ACSF3: variants seen among roughly 807,000 people sequenced by gnomAD.
The protein encoded by ACSF3 is acyl-CoA synthetase family member 3, also known as malonate--CoA ligase ACSF3, mitochondrial.
ACSF3 carries 78 observed loss-of-function variants against 53.2 expected under a neutral mutation model. The ratio of observed to expected loss-of-function variants is 1.47; its 90% confidence interval spans 1.22 to 1.77. The LOEUF is 1.77. Among genes scored for constraint, ACSF3 ranks in the 40% most tolerant of loss-of-function variants. The probability of loss-of-function intolerance (pLI) is 0.00; values close to 1 mark genes in which losing one functional copy is unlikely to be tolerated. For synonymous variants in ACSF3, 414 were observed against 333.1 expected (o/e 1.24, Z -2.65); for missense variants, 937 against 771.1 (o/e 1.22, Z -2.55).
intron 8 of ACSF3, among the ~76,000 whole-genome samples, chr16:89,141,936 C>T (rs1185730475): frequency 1.3e-5 from 2 of 152,202 alleles, no homozygotes; most frequent in African/African-American, 4.8e-5. Flanking sequence ...ATCACAGAGA[C>T]AGGTCTCAGT....
At chr16:89,132,382 C>T (rs560696563) in intron 7 of ACSF3, among the ~76,000 whole-genome samples, 25 of 152,318 alleles carry the variant, frequency 1.6e-4, no homozygotes, top group Non-Finnish European at 3.2e-4. Context: ...AGGGCTCGGC[C>T]GGTGTCTTCA....
chr16:89,101,658 G>A (rs909331295), intron 3 of ACSF3, among the ~76,000 whole-genome samples: 6 of 152,152 alleles, frequency 3.9e-5, no homozygotes, highest in African/African-American at 1.4e-4. Flanking sequence ...GGGGCTTTTC[G>A]GAGGCCAGCC....
At chr16:89,097,466 G>T in intron 1 of ACSF3, among the ~76,000 whole-genome samples, 1 of 152,262 alleles carries the variant, frequency 6.6e-6, no homozygotes, top group Admixed American at 6.5e-5. Flanking sequence ...CTCAGCAGCG[G>T]AAGTCTGGCC....
intron 1 of ACSF3, 144 bp from the exon 2 acceptor site, chr16:89,098,447 A>G (rs1183834779): frequency 8.5e-6 from 3 of 352,896 alleles, no homozygotes; most frequent in Non-Finnish European, 1.7e-5. Flanking sequence ...TTGTCGGGAG[A>G]TAAGGCTCAC....
At chr16:89,131,790 G>T (rs1489714193) in intron 7 of ACSF3, among the ~76,000 whole-genome samples, 1 of 152,288 alleles carries the variant, frequency 6.6e-6, no homozygotes, top group African/African-American at 2.4e-5. Flanking sequence ...AAGGACAGCA[G>T]TGGAAAAATT....
chr16:89,144,996 G>T (rs1414362497), intron 8 of ACSF3, among the ~76,000 whole-genome samples: 1 of 152,222 alleles, frequency 6.6e-6, no homozygotes, highest in Admixed American at 6.5e-5. Context: ...AGTGCATACA[G>T]CTGAGCATGG....
intron 4 of ACSF3, among the ~76,000 whole-genome samples, chr16:89,107,235 T>C (rs1976099951): frequency 6.6e-6 from 1 of 152,222 alleles, no homozygotes; most frequent in Non-Finnish European, 1.5e-5. Context: ...CCCTCGGCTC[T>C]CAGTGCCCTT....
At chr16:89,100,478 G>A (rs1012367861) in intron 2 of ACSF3, 184 bp from the exon 3 acceptor site, 21 of 620,390 alleles carry the variant, frequency 3.4e-5, no homozygotes, top group Admixed American at 3.3e-4. Flanking sequence ...TGCTGGGCAC[G>A]TACGGAACGT....
At chr16:89,151,111 C>T in intron 10 of ACSF3, 2 of 1,189,746 alleles carry the variant, frequency 1.7e-6, no homozygotes, top group Non-Finnish European at 2.2e-6. Flanking sequence ...GGCATGCGGG[C>T]TCTGACGGGC....
chr16:89,114,791 C>T (rs758240524), intron 6 of ACSF3: 3 of 447,582 alleles, frequency 6.7e-6, no homozygotes, highest in Non-Finnish European at 1.3e-5. Flanking sequence ...CAGTGCATGT[C>T]TCAGAGGAAG....
intron 8 of ACSF3, among the ~76,000 whole-genome samples, chr16:89,137,287 CT>C (rs1910739325): frequency 2.7e-5 from 4 of 150,870 alleles, no homozygotes; most frequent in African/African-American, 7.3e-5. Flanking sequence ...AGCCCCAGGT[CT>C]CGGGAGGACC....
chr16:89,097,375 C>T (rs761338313), intron 1 of ACSF3, among the ~76,000 whole-genome samples: 18 of 152,218 alleles, frequency 1.2e-4, no homozygotes, highest in South Asian at 2.1e-4. Flanking sequence ...TGAGTGTCGC[C>T]GGCCGTCCTA....
intron 6 of ACSF3, chr16:89,114,743 G>C (rs1010222654): frequency 1.8e-6 from 1 of 567,056 alleles, no homozygotes; most frequent in East Asian, 3.2e-5. Context: ...TGACTGGGGA[G>C]ACAATGGGAA....
At chr16:89,125,718 G>GAGAGAT (rs963532940) in intron 7 of ACSF3, among the ~76,000 whole-genome samples, 1 of 151,740 alleles carries the variant, frequency 6.6e-6, no homozygotes, top group African/African-American at 2.4e-5. Context: ...GAGAGAGAGA[G>GAGAGAT]ATGTTGATTG....
chr16:89,139,451 C>T (rs185918338), intron 8 of ACSF3, among the ~76,000 whole-genome samples: 64 of 152,224 alleles, frequency 4.2e-4, no homozygotes, highest in Non-Finnish European at 1.6e-4. Flanking sequence ...TCGTTCTGCC[C>T]TCAGCCTTGC....
At chr16:89,148,756 C>T (rs1281941465) in intron 10 of ACSF3, 1 of 152,192 alleles carries the variant, frequency 6.6e-6, no homozygotes, top group Non-Finnish European at 1.5e-5. Flanking sequence ...CCCTTTTAGC[C>T]CCAGAGCAAC....
chr16:89,144,679 G>A (rs557816743), intron 8 of ACSF3, among the ~76,000 whole-genome samples: 2 of 152,350 alleles, frequency 1.3e-5, no homozygotes, highest in South Asian at 2.1e-4. Context: ...CATGAGGGGC[G>A]GCCCCTCTAT....
chr16:89,109,450 C>T lies in ACSF3; in HGVS notation c.823-2642C>T, dbSNP rs533911883. 8.6e-4 allele frequency among the ~76,000 whole-genome samples: 100 copies of T among 116,596 alleles called. 1 individual carries two copies. The highest frequency in any genetic ancestry group is 3.0e-3 in the African/African-American group (94 of 31,078). 76.5% of individuals were successfully genotyped at this position (116,596 alleles called of 152,430 possible). A position where few individuals can be genotyped will look rare whatever the true frequency, so the allele number is the denominator to read the frequency against. The stretch of plus-strand genomic sequence containing the variant: ...TTTTTGAGATGGAGTCTCACTCTGT[C>T]GCTCAGGCTGGAGTGCAGTGGCTCA... On this transcript the variant is annotated intron_variant, in intron 4 of 10. Transcript: ENST00000614302.
At chr16:89,133,596 C>A (rs553120390) in intron 8 of ACSF3, among the ~76,000 whole-genome samples, 2 of 152,220 alleles carry the variant, frequency 1.3e-5, no homozygotes, top group African/African-American at 2.4e-5. Flanking sequence ...CGCAGCCCTT[C>A]CTGGTGGCCC....
Sources: allele counts gnomAD v4.1 joint callset (sites outside exome capture counted in the v4.1 genomes callset), GRCh38; gene constraint gnomAD v4.1.1; transcripts MANE v1.5; gene names NCBI Gene and HGNC (gene_info 2026-07-23, HGNC 2026-07-21).